MMP17: variants seen among roughly 807,000 people sequenced by gnomAD.
MMP17 encodes the protein matrix metalloproteinase-17.
Under a neutral mutation model 49.1 loss-of-function variants are expected in MMP17, and 54 were observed. The observed-to-expected ratio is 1.10, with a 90% CI of 0.88 to 1.38. The LOEUF is 1.38. Ranked by LOEUF, MMP17 falls within the 40% of genes most tolerant of loss-of-function variation. The probability of loss-of-function intolerance (pLI) is 0.00; values close to 1 mark genes in which losing one functional copy is unlikely to be tolerated. For missense variants in MMP17, 837 were observed against 853.7 expected (o/e 0.98, Z 0.24); for synonymous variants, 397 against 383.1 (o/e 1.04, Z -0.42).
Position 131,850,985 on chromosome 12 carries a change from T to C in MMP17, c.1523T>C (p.Val508Ala). 6.4e-7 allele frequency: 1 copy of C among 1,558,260 alleles called. No homozygotes were observed. ...YWKVLDGELE[V>A]APGYPQSTAR... is the part of the protein sequence containing the mutation. ...AAAGTGCTGGATGGCGAGCTGGAGG[T>C]GGCACCCGGGTACCCACAGTCCACG... The change falls in exon 10 of 10, where the codon GTG becomes GCG. Residue 508 changes from valine to alanine, a missense_variant. Physicochemically the swap from Val to Ala is moderately conservative, Grantham distance 64. Coordinates refer to ENST00000360564, the MANE Select transcript of MMP17 (RefSeq NM_016155.7).
intron 1 of MMP17, 123 bp from the exon 2 acceptor site, chr12:131,838,072 C>A: frequency 7.9e-7 from 1 of 1,267,184 alleles, no homozygotes; most frequent in Non-Finnish European, 1.1e-6. Flanking sequence ...CAAGAGGTGC[C>A]TTGTGGGCAG....
In MMP17 at chr12:131,844,002, C is replaced by T. The variant is rs1009412157; in HGVS notation, c.889C>T (p.Arg297Trp). 4 of 1,558,086 alleles carry T rather than the reference C, an allele frequency of 2.6e-6. No individual in the cohort carries two copies. The highest frequency in any genetic ancestry group is 1.2e-5 in the South Asian group (1 of 84,954). ...CTCCTCCTTGTCTCCCGCAGGTGTG[C>T]GGGAGTCTGTGTCTCCCACGGCGCA... The part of the protein sequence containing the change: ...KVRVWQLYGV[R>W]ESVSPTAQPE... The change falls in exon 6 of 10, where the codon CGG becomes TGG. Residue 297 changes from arginine to tryptophan, a missense_variant. Transcript: ENST00000360564.
At chr12:131,849,744 C>T (rs1457099491) in intron 8 of MMP17, 58 bp from the exon 9 acceptor site, 2 of 1,557,046 alleles carry the variant, frequency 1.3e-6, no homozygotes, top group Middle Eastern at 1.7e-4. Flanking sequence ...AGGCAGGAGC[C>T]TCCTGCCCTT....
rs58397358 is a variant in MMP17 at position 131,846,393 on chromosome 12, C to T, written c.1204+944C>T. Among the ~76,000 whole-genome samples the T allele has an allele frequency of 0.39, 59,254 of 151,712 alleles. 12,696 individuals carry two copies. The highest frequency in any genetic ancestry group is 0.56 in the African/African-American group (23,029 of 41,406). ...TTTTTGTTTTTTGTTTTTTGTTTTT[C>T]TGAGACAAAGTCTCACTCTGTTGCC... On this transcript the variant is annotated intron_variant, in intron 8 of 9. Transcript: ENST00000360564. The surrounding 1 kb of genome is among the most constrained non-coding windows in gnomAD (Gnocchi z 4.6).
At chr12:131,843,112 C>T (rs1293142437) in intron 5 of MMP17, among the ~76,000 whole-genome samples, 5 of 151,912 alleles carry the variant, frequency 3.3e-5, no homozygotes, top group East Asian at 1.9e-4. Context: ...TACAGGTGAC[C>T]GCCACCACGC....
chr12:131,843,905 G>A (rs766398577), intron 5 of MMP17, 92 bp from the exon 6 acceptor site: 99 of 924,850 alleles, frequency 1.1e-4, no homozygotes, highest in Non-Finnish European at 1.4e-4. Flanking sequence ...GAGTGGCCTC[G>A]GTTTCATCCC....
intron 5 of MMP17, 93 bp downstream of exon 5, chr12:131,841,893 C>T: frequency 2.9e-6 from 4 of 1,360,160 alleles, no homozygotes; most frequent in East Asian, 2.5e-5. Flanking sequence ...GGAGGGTTTG[C>T]TCTCCCCGCT....
In MMP17 at chr12:131,851,188, C is replaced by T. The variant is rs1440010532; in HGVS notation, c.1726C>T (p.Pro576Ser). 1 of 1,464,466 alleles carries T rather than the reference C, an allele frequency of 6.8e-7. No individual in the cohort carries two copies. The highest frequency in any genetic ancestry group is 9.0e-7 in the Non-Finnish European group (1 of 1,105,492). The allele number at this position is 1,464,466 out of a possible 1,614,324, so 90.7% of individuals were successfully genotyped here. ...GASSPPGAPG[P>S]LVAATMLLLL... ...ATCCTCTCCCCCGGGGGCCCCAGGC[C>T]CACTGGTGGCTGCCACCATGCTGCT... The change falls in exon 10 of 10, where the codon CCA becomes TCA. Residue 576 changes from proline to serine, a missense_variant. Transcript: ENST00000360564.
chr12:131,845,127 G>A lies in MMP17; in HGVS notation c.978G>A (p.Lys326=). The change falls in exon 7 of 10, where the codon AAG becomes AAA. Residue 326 remains lysine (K), a synonymous_variant. Transcript: ENST00000360564. ...GGCTCTCTCCCTGCAGGCCCAGGAAGGACGTGCCCCACAGATGCAGCACTC... is the reference window on the plus strand; with the variant it reads ...GGCTCTCTCCCTGCAGGCCCAGGAAAGACGTGCCCCACAGATGCAGCACTC... The part of the protein sequence containing the change: ...PDNRSSAPPR[K]DVPHRCSTHF... 2.5e-6 allele frequency: 4 copies of A among 1,599,716 alleles called. No individual in the cohort carries two copies. Among genetic ancestry groups the A allele is most frequent in the Non-Finnish European group, 3.4e-6 (4 of 1,176,114 alleles).
At chr12:131,839,223 C>T (rs929135112) in intron 3 of MMP17, among the ~76,000 whole-genome samples, 3 of 152,184 alleles carry the variant, frequency 2.0e-5, no homozygotes, top group Admixed American at 6.5e-5. Context: ...AGCCTCCTCT[C>T]CCGTGTCTCC....
At position 131,840,699 on chromosome 12, in the gene MMP17, C is replaced by T. The variant is rs754273445; in HGVS notation, c.549C>T (p.Ala183=). 7 of 1,605,760 alleles carry T rather than the reference C, an allele frequency of 4.4e-6. No homozygotes were observed. Among genetic ancestry groups the T allele is most frequent in the South Asian group, 2.2e-5 (2 of 91,094 alleles). ...LNFHEVAGSA[A]DIQIDFSKAD... ...TCCACGAGGTGGCGGGCAGCGCCGC[C>T]GACATCCAGATCGACTTCTCCAAGG... Residue 183 remains alanine, a synonymous_variant, in exon 4 of 10, where the codon GCC becomes GCT. Transcript: ENST00000360564.
At chr12:131,838,553 G>C in intron 2 of MMP17, 59 bp from the exon 3 acceptor site, 2 of 1,552,246 alleles carry the variant, frequency 1.3e-6, no homozygotes, top group Admixed American at 3.8e-5. Flanking sequence ...GCGGATGCTC[G>C]GGATCCTAGG....
Position 131,838,618 on chromosome 12 carries a change from C to G in MMP17, c.299C>G (p.Ala100Gly), listed in dbSNP as rs972237007. Residue 100 changes from alanine (A) to glycine (G), a missense_variant, in exon 3 of 10, where the codon GCC becomes GGC. Transcript: ENST00000360564. ...CTCCATGCTTTCCCTGCAGACGAGG[C>G]CACCCTGGCCCTGATGAAAACCCCA... ...GLEATGILDE[A>G]TLALMKTPRC... 3.0e-5 allele frequency: 48 copies of G among 1,609,704 alleles called. No homozygotes were observed. Among genetic ancestry groups the G allele is most frequent in the Non-Finnish European group, 3.6e-5 (42 of 1,178,766 alleles).
intron 1 of MMP17, among the ~76,000 whole-genome samples, chr12:131,837,406 TAAGCCA>T (rs1297358675): frequency 6.6e-6 from 1 of 152,080 alleles, no homozygotes; most frequent in African/African-American, 2.4e-5. Flanking sequence ...ATCTCAGGCA[TAAGCCA>T]CAGCACCGGC....
At chr12:131,832,389 G>A (rs1237898771) in intron 1 of MMP17, among the ~76,000 whole-genome samples, 1 of 132,306 alleles carries the variant, frequency 7.6e-6, no homozygotes, top group African/African-American at 2.8e-5. Context: ...GTGGGGGAAC[G>A]GGAAGGGGGA....
In MMP17 at chr12:131,845,412, C is replaced by A. The variant is rs746323549; in HGVS notation, c.1167C>A (p.Tyr389Ter). The stretch of plus-strand genomic sequence containing the variant: ...ACCTGGACAGCGTGGACGCCGTGTA[C>A]GAGCGCACCAGCGACCACAAGATCG... ...PLHLDSVDAV[Y>*]ERTSDHKIVF... The change falls in exon 8 of 10, where the codon TAC becomes TAA. Residue 389 changes from tyrosine to a stop codon, truncating the protein, a stop_gained. Coordinates refer to ENST00000360564, the MANE Select transcript of MMP17 (RefSeq NM_016155.7). LOFTEE classifies it high-confidence loss of function. 10 of 1,583,694 alleles carry A rather than the reference C, an allele frequency of 6.3e-6. No homozygotes were observed. Among genetic ancestry groups the A allele is most frequent in the Non-Finnish European group, 8.6e-6 (10 of 1,166,960 alleles).
rs138259810 is a variant in MMP17, at chr12:131,847,391, T to C, written c.1204+1942T>C. Among the ~76,000 whole-genome samples the C allele has an allele frequency of 4.3e-3, 610 of 142,126 alleles. 20 individuals carry two copies. The East Asian group carries it at 0.087, about 20-fold the overall frequency. 93.2% of individuals were successfully genotyped at this position (142,126 alleles called of 152,430 possible). A position where few individuals can be genotyped will look rare whatever the true frequency, so the allele number is the denominator to read the frequency against. ...TCACACCACTGGACTCCAGCCTGGG[T>C]GACAGAGCGAGACTCCGTCTCAAAA... On this transcript the variant is annotated intron_variant, in intron 8 of 9. Coordinates refer to ENST00000360564, the MANE Select transcript of MMP17 (RefSeq NM_016155.7).
intron 6 of MMP17, 87 bp from the exon 7 acceptor site, chr12:131,845,031 C>T (rs938211727): frequency 4.4e-6 from 6 of 1,364,662 alleles, no homozygotes; most frequent in Non-Finnish European, 6.2e-6. Flanking sequence ...TGTCCCATGC[C>T]GCTCAGGTCA....
intron 1 of MMP17, among the ~76,000 whole-genome samples, chr12:131,834,724 G>C (rs2136312502): frequency 6.6e-6 from 1 of 152,182 alleles, no homozygotes; most frequent in South Asian, 2.1e-4. Flanking sequence ...CTGTGCTCCA[G>C]GCCTGGTTAA....
Sources: gnomAD v4.1 joint callset for allele counts (sites outside exome capture counted in the v4.1 genomes callset) on GRCh38, gnomAD v4.1.1 for gene constraint, Gnocchi (gnomAD v3.1) non-coding constraint, MANE v1.5 for transcripts, NCBI Gene and HGNC (gene_info 2026-07-23, HGNC 2026-07-21) for gene names.